The following CLPB variants were observed in gnomAD, a reference collection of about 807,000 sequenced individuals.
The protein encoded by CLPB is ClpB family mitochondrial disaggregase, also known as mitochondrial disaggregase.
A neutral mutation model predicts 78.4 loss-of-function variants in CLPB; 40 were observed. The ratio of observed to expected loss-of-function variants is 0.51; its 90% CI spans 0.40 to 0.66. The LOEUF is 0.66. Among genes scored for constraint, CLPB ranks in the 30% least tolerant of loss-of-function variants. CLPB has a pLI of 0.00. For synonymous variants in CLPB, 333 were observed against 348.0 expected (o/e 0.96, Z 0.48); for missense variants, 780 against 886.9 (o/e 0.88, Z 1.53).
At position 72,299,480 on chromosome 11, in the gene CLPB, A is replaced by G. The variant is rs1949615538; in HGVS notation, c.1329+2323T>C. Among the ~76,000 whole-genome samples the G allele has an allele frequency of 2.0e-5, 3 of 151,894 alleles. No homozygotes were observed. In the South Asian group the frequency reaches 6.2e-4, roughly 32 times the overall value. Reference sequence around the variant, plus strand: ...ACTCTGTCCTTGTTTTCCCTCTGCAATCGAGCAGTACTGACCAGCTGCAGT... The same window carrying G: ...ACTCTGTCCTTGTTTTCCCTCTGCAGTCGAGCAGTACTGACCAGCTGCAGT... On this transcript the variant is annotated intron_variant, in intron 11 of 15. Transcript: ENST00000538039.
In CLPB at chr11:72,286,223, G is replaced by GTTTTTTTGTTTTTTT. The variant is rs1949386685; in HGVS notation, c.*7143_*7144insAAAAAAACAAAAAAA. 1.7e-5 allele frequency: 1 copy of GTTTTTTTGTTTTTTT among 60,450 alleles called. No homozygotes were observed. The highest frequency in any genetic ancestry group is 3.1e-5 in the Non-Finnish European group (1 of 32,212). The allele number at this position is 60,450 out of a possible 1,614,324, so 3.7% of individuals were successfully genotyped here. ...ATTACAGGTGTGAGATACTGCACCT[G>GTTTTTTTGTTTTTTT]TTTTTTTTTTTTTTTTTTTTTTTAA... On this transcript the variant is annotated 3_prime_UTR_variant, in exon 16 of 16. Coordinates refer to ENST00000538039, the MANE Select transcript of CLPB (RefSeq NM_001258392.3).
At chr11:72,386,140 AGTTT>A (rs1283847229) in intron 3 of CLPB, among the ~76,000 whole-genome samples, 1 of 152,204 alleles carries the variant, frequency 6.6e-6, no homozygotes, top group Non-Finnish European at 1.5e-5. Flanking sequence ...AAAATAGAGT[AGTTT>A]TTTTCTTCTT....
intron 2 of CLPB, chr11:72,412,170 A>C (rs150764746): frequency 2.6e-4 from 40 of 152,330 alleles, no homozygotes; most frequent in African/African-American, 7.9e-4. Flanking sequence ...TGGTGCTTCA[A>C]CTCCATAGAC....
rs1161325959 is a variant in CLPB at position 72,288,926 on chromosome 11, C to G, written c.*4441G>C. On this transcript the variant is annotated 3_prime_UTR_variant, in exon 16 of 16. Coordinates refer to ENST00000538039, the MANE Select transcript of CLPB (RefSeq NM_001258392.3). ...TTTTTGTTGGAGACGGAGGCTGGCT[C>G]TGTCACCAGGCTGGAGTGCAGTGGC... 3 of 152,240 alleles carry G rather than the reference C, an allele frequency of 2.0e-5. No individual in the cohort carries two copies. The highest frequency in any genetic ancestry group is 2.0e-4 in the Admixed American group (3 of 15,280). 9.4% of individuals were successfully genotyped at this position (152,240 alleles called of 1,614,324 possible).
Position 72,402,969 on chromosome 11 carries a change from T to A in CLPB, c.539A>T (p.Asn180Ile). 1.2e-6 allele frequency: 2 copies of A among 1,613,936 alleles called. No homozygotes were observed. The highest frequency in any genetic ancestry group is 1.7e-6 in the Non-Finnish European group (2 of 1,179,946). The change falls in exon 3 of 16, where the codon AAC (asparagine) becomes ATC (isoleucine). Residue 180 changes from asparagine to isoleucine, a missense_variant. By Grantham distance (149) the Asn-to-Ile change is moderately radical. Around this residue, in one of 3 missense-constraint regions of CLPB, gnomAD observed 417 missense variants for 414.7 expected, o/e 1.01. Coordinates refer to ENST00000538039, the MANE Select transcript of CLPB (RefSeq NM_001258392.3). ...TGTGTGGAAGGTGGTCTCTCACCTG[T>A]TGTTTCGGTTGATGGCTGCCACCAT... ...ALMVAAINRN[N>I]SVVQVLLAAG...
chr11:72,357,701 A>G (rs200730593), intron 5 of CLPB, among the ~76,000 whole-genome samples: 2,067 of 116,110 alleles, frequency 0.018, 5 homozygotes, highest in East Asian at 0.043. Context: ...CGTGTCCCAG[A>G]AAAAAAAAAA....
intron 2 of CLPB, among the ~76,000 whole-genome samples, chr11:72,422,774 G>A (rs538141314): frequency 6.6e-6 from 1 of 152,124 alleles, no homozygotes; most frequent in African/African-American, 2.4e-5. Flanking sequence ...CTGAGGCCCC[G>A]AGACAGCCAA....
chr11:72,377,686 G>A (rs1854756427), intron 4 of CLPB, among the ~76,000 whole-genome samples: 1 of 151,454 alleles, frequency 6.6e-6, no homozygotes, highest in East Asian at 1.9e-4. Flanking sequence ...GGAAGGGAAG[G>A]GGAAGGGAAA....
At position 72,434,439 on chromosome 11, in the gene CLPB, C is replaced by T; in HGVS notation, c.36G>A (p.Leu12=). The change falls in exon 1 of 16, where the codon CTG becomes CTA. Residue 12 remains leucine, a synonymous_variant. Coordinates refer to ENST00000538039, the MANE Select transcript of CLPB (RefSeq NM_001258392.3). The part of the protein sequence containing the change: ...LGSLVLRRKA[L]APRLLLRLLR... ...GCAGCCGGAGGAGTAGCCGTGGCGCCAGTGCTTTTCTCCTCAACACCAGGG... is the reference window on the plus strand; with the variant it reads ...GCAGCCGGAGGAGTAGCCGTGGCGCTAGTGCTTTTCTCCTCAACACCAGGG... 2 of 1,574,034 alleles carry T rather than the reference C, an allele frequency of 1.3e-6. No homozygotes were observed. The highest frequency in any genetic ancestry group is 1.7e-6 in the Non-Finnish European group (2 of 1,157,778).
At chr11:72,294,471 G>A in intron 13 of CLPB, 27 bp from the exon 14 acceptor site, 1 of 1,613,752 alleles carries the variant, frequency 6.2e-7, no homozygotes, top group Non-Finnish European at 8.5e-7. Flanking sequence ...GGGGTGGGAT[G>A]AGCTCAGTGA....
chr11:72,409,947 G>A (rs923266882), intron 2 of CLPB, among the ~76,000 whole-genome samples: 9 of 151,814 alleles, frequency 5.9e-5, no homozygotes, highest in East Asian at 1.9e-4. Context: ...ACTGCACTCC[G>A]ACCTGGGTGA....
intron 2 of CLPB, among the ~76,000 whole-genome samples, chr11:72,420,553 G>A (rs1395024113): frequency 6.6e-6 from 1 of 152,026 alleles, no homozygotes; most frequent in African/African-American, 2.4e-5. Flanking sequence ...CTATTTACAT[G>A]CACAGTGATG....
rs762771332 is a variant in CLPB at position 72,380,409 on chromosome 11, G to C, written c.543-25C>G. On this transcript the variant is annotated intron_variant, in intron 3 of 15. Transcript: ENST00000538039. ...ACTAGAAGAAATCACAAAGACAGAA[G>C]TGTCAAAAGCAAGAAAGGCCCAGGA... The C allele has an allele frequency of 3.8e-6, 6 of 1,598,362 alleles. No homozygotes were observed. The Admixed American group carries it at 1.0e-4, about 27-fold the overall frequency.
At chr11:72,412,856 A>G (rs1222354718) in intron 2 of CLPB, among the ~76,000 whole-genome samples, 2 of 152,224 alleles carry the variant, frequency 1.3e-5, no homozygotes, top group Non-Finnish European at 2.9e-5. Flanking sequence ...ACACTGGGTG[A>G]TCATTCTTTG....
intron 4 of CLPB, among the ~76,000 whole-genome samples, chr11:72,379,282 T>C (rs1457700707): frequency 3.9e-5 from 6 of 152,142 alleles, no homozygotes; most frequent in African/African-American, 1.4e-4. Context: ...GCATCACTGC[T>C]AACACTAAAG....
chr11:72,308,408 G>T, intron 8 of CLPB, 119 bp downstream of exon 8: 1 of 793,530 alleles, frequency 1.3e-6, no homozygotes, highest in Non-Finnish European at 2.2e-6. Flanking sequence ...TGCTTTTAGA[G>T]CTCAAGTTGA....
At chr11:72,410,519 A>G (rs552086249) in intron 2 of CLPB, among the ~76,000 whole-genome samples, 12 of 152,240 alleles carry the variant, frequency 7.9e-5, no homozygotes, top group Non-Finnish European at 1.5e-4. Context: ...AGCTTATACT[A>G]TTCTTATCAC....
At chr11:72,426,691 A>G (rs1007449702) in intron 2 of CLPB, among the ~76,000 whole-genome samples, 2 of 152,214 alleles carry the variant, frequency 1.3e-5, no homozygotes, top group Non-Finnish European at 2.9e-5. Context: ...GTCACAAAAA[A>G]CAAGTAAGTG....
intron 11 of CLPB, among the ~76,000 whole-genome samples, chr11:72,299,921 T>C (rs551012509): frequency 2.0e-5 from 3 of 152,268 alleles, no homozygotes; most frequent in South Asian, 4.2e-4. Context: ...GTATGGCTGA[T>C]TGTACTTCAG....
Sources: gnomAD v4.1 joint callset for allele counts (sites outside exome capture counted in the v4.1 genomes callset) on GRCh38, gnomAD v4.1.1 for gene constraint, gnomAD v4.1.1 regional missense constraint, MANE v1.5 for transcripts, NCBI Gene and HGNC (gene_info 2026-07-23, HGNC 2026-07-21) for gene names.